The following PCDHGA6 variants were observed in gnomAD, a reference collection of about 807,000 sequenced individuals.
PCDHGA6 encodes the protein protocadherin gamma-A6.
A neutral mutation model predicts 60.6 loss-of-function variants in PCDHGA6; 41 were observed. The observed-to-expected ratio is 0.68, with a 90% confidence interval of 0.53 to 0.88. PCDHGA6 has a LOEUF of 0.88. Ranked by LOEUF, PCDHGA6 falls within the 40% of genes least tolerant of loss-of-function variation. The pLI, the probability that PCDHGA6 is intolerant of heterozygous loss-of-function variation, is 0.00. For synonymous variants in PCDHGA6, 594 were observed against 524.4 expected (o/e 1.13, Z -1.81); for missense variants, 1,312 against 1,203.0 (o/e 1.09, Z -1.34).
intron 1 of PCDHGA6, among the ~76,000 whole-genome samples, chr5:141,472,280 A>G (rs988007394): frequency 6.6e-6 from 1 of 152,276 alleles, no homozygotes; most frequent in African/African-American, 2.4e-5. Context: ...AGTGGCTCAC[A>G]CCTGTAATCC....
intron 1 of PCDHGA6, chr5:141,413,452 AGGATAGACC>A (rs2095643065): frequency 6.2e-7 from 1 of 1,614,124 alleles, no homozygotes; most frequent in Admixed American, 1.7e-5. Context: ...CACCGCGGGC[AGGATAGACC>A]GGGAGGAGCT....
intron 1 of PCDHGA6, chr5:141,385,131 C>T (rs371376308): frequency 4.3e-6 from 7 of 1,614,082 alleles, no homozygotes; most frequent in Admixed American, 1.7e-5. Flanking sequence ...TGGGCATGGA[C>T]GGGGTGCAGG....
At chr5:141,403,300 G>C (rs1469024873) in intron 1 of PCDHGA6, 4 of 1,613,892 alleles carry the variant, frequency 2.5e-6, no homozygotes, top group Non-Finnish European at 3.4e-6. Context: ...GAGTGAAACT[G>C]TACGGAATAG....
intron 1 of PCDHGA6, chr5:141,399,271 T>C: frequency 1.2e-6 from 2 of 1,613,926 alleles, no homozygotes; most frequent in Non-Finnish European, 1.7e-6. Flanking sequence ...TAATTGTCAA[T>C]TACAAGGCGA....
At position 141,476,923 on chromosome 5, in the gene PCDHGA6, G is replaced by A. The variant is rs368207814; in HGVS notation, c.2425-17884G>A. On this transcript the variant is annotated intron_variant, in intron 1 of 3. Transcript: ENST00000517434. This position sits in a 1 kb window ranked among gnomAD's most constrained non-coding sequence, Gnocchi z 7.6. ...CGCGCGTGGTACAAGTCCTTGCAAC[G>A]GATCTGGATGAAGGCCCCAACGGTG... The A allele has an allele frequency of 5.0e-6, 8 of 1,614,024 alleles. No individual in the cohort carries two copies. Among genetic ancestry groups the A allele is most frequent in the African/African-American group, 4.0e-5 (3 of 74,952 alleles).
chr5:141,509,046 C>T (rs1442220429), intron 3 of PCDHGA6, among the ~76,000 whole-genome samples: 1 of 152,160 alleles, frequency 6.6e-6, no homozygotes, highest in Non-Finnish European at 1.5e-5. Flanking sequence ...CTCTCCCCCG[C>T]CCCCAGAAAG....
Position 141,399,482 on chromosome 5 carries a change from C to T in PCDHGA6, c.2424+22975C>T, listed in dbSNP as rs559370708. 8.1e-6 allele frequency: 13 copies of T among 1,613,934 alleles called. No individual in the cohort carries two copies. In the South Asian group the frequency reaches 1.3e-4, roughly 16 times the overall value. ...AACGCTCCGGTTTTCCACCAGGCGT[C>T]CTACTTAGTCAGTGTACCCGAAAAC... On this transcript the variant is annotated intron_variant, in intron 1 of 3. Coordinates refer to ENST00000517434, the MANE Select transcript of PCDHGA6 (RefSeq NM_018919.3).
At position 141,511,238 on chromosome 5, in the gene PCDHGA6, G is replaced by A; in HGVS notation, c.*65G>A. ...CAACCAGCCCAGCTTCTCCTTACCT[G>A]CACCCAGGCCTCAGAGTTTCAGGGC... On this transcript the variant is annotated 3_prime_UTR_variant, in exon 4 of 4. Coordinates refer to ENST00000517434, the MANE Select transcript of PCDHGA6 (RefSeq NM_018919.3). 6.3e-7 allele frequency: 1 copy of A among 1,589,142 alleles called. No homozygotes were observed. The highest frequency in any genetic ancestry group is 2.3e-5 in the East Asian group (1 of 43,302).
chr5:141,497,032 T>C (rs1206131945), intron 2 of PCDHGA6, among the ~76,000 whole-genome samples: 1 of 151,652 alleles, frequency 6.6e-6, no homozygotes, highest in East Asian at 1.9e-4. Flanking sequence ...CGATTAAAAA[T>C]ACAAAAATTA....
At chr5:141,494,976 G>A in intron 2 of PCDHGA6, 111 bp downstream of exon 2, 1 of 1,575,636 alleles carries the variant, frequency 6.3e-7, no homozygotes. Flanking sequence ...TTCTCCCTCA[G>A]TTTGAGATCC....
chr5:141,393,170 A>G (rs746908655), intron 1 of PCDHGA6: 1 of 1,613,286 alleles, frequency 6.2e-7, no homozygotes, highest in South Asian at 1.1e-5. Context: ...TCTTTGGGGT[A>G]GAAATAGAAA....
At chr5:141,388,668 C>T in intron 1 of PCDHGA6, 1 of 1,613,882 alleles carries the variant, frequency 6.2e-7, no homozygotes, top group Non-Finnish European at 8.5e-7. Context: ...GACCACGGTG[C>T]TACAGGTGAC....
Position 141,431,010 on chromosome 5 carries a change from T to G in PCDHGA6, c.2424+54503T>G. 2 of 1,613,972 alleles carry G rather than the reference T, an allele frequency of 1.2e-6. No individual in the cohort carries two copies. The highest frequency in any genetic ancestry group is 1.7e-6 in the Non-Finnish European group (2 of 1,179,964). The stretch of plus-strand genomic sequence containing the variant: ...GCCCTGAATCCGCGCAGCGGCAGCT[T>G]GGTCACGGCGGGCAGGATAGACCGG... On this transcript the variant is annotated intron_variant, in intron 1 of 3. Transcript: ENST00000517434. The surrounding 1 kb of genome is among the most constrained non-coding windows in gnomAD (Gnocchi z 4.8).
intron 1 of PCDHGA6, among the ~76,000 whole-genome samples, chr5:141,406,226 A>G (rs888434232): frequency 4.6e-5 from 7 of 152,108 alleles, no homozygotes; most frequent in African/African-American, 1.7e-4. Flanking sequence ...TGGGAGGGCT[A>G]GCAAGCTATG....
chr5:141,488,939 T>C (rs1229571704), intron 1 of PCDHGA6, among the ~76,000 whole-genome samples: 1 of 152,114 alleles, frequency 6.6e-6, no homozygotes, highest in Non-Finnish European at 1.5e-5. Context: ...GGAAACTCCA[T>C]AATTGGTTGA....
intron 3 of PCDHGA6, 56 bp from the exon 4 acceptor site, chr5:141,510,891 G>A (rs945706652): frequency 8.7e-6 from 14 of 1,612,762 alleles, no homozygotes; most frequent in Middle Eastern, 1.6e-4. Flanking sequence ...ATATAAGACA[G>A]TGACTGTTGA....
At chr5:141,428,147 G>A (rs771536400) in intron 1 of PCDHGA6, 2 of 1,589,610 alleles carry the variant, frequency 1.3e-6, no homozygotes, top group Admixed American at 1.7e-5. Context: ...GGCTGCACAC[G>A]GGAACCTGCT....
intron 1 of PCDHGA6, chr5:141,399,003 A>T: frequency 6.2e-7 from 1 of 1,613,966 alleles, no homozygotes; most frequent in Non-Finnish European, 8.5e-7. Context: ...GTCTGAATTC[A>T]AAGAGCGGAG....
At chr5:141,408,588 A>G in intron 1 of PCDHGA6, 1 of 1,614,042 alleles carries the variant, frequency 6.2e-7, no homozygotes, top group Non-Finnish European at 8.5e-7. Context: ...GTTAATGACC[A>G]CGCCCCTCAA....
Sources: allele counts gnomAD v4.1 joint callset (sites outside exome capture counted in the v4.1 genomes callset), GRCh38; gene constraint gnomAD v4.1.1; non-coding constraint Gnocchi (gnomAD v3.1); transcripts MANE v1.5; gene names NCBI Gene and HGNC (gene_info 2026-07-23, HGNC 2026-07-21).